EXOC4: variants seen among roughly 807,000 people sequenced by gnomAD.
EXOC4 encodes exocyst complex component 4.
EXOC4 carries 71 observed loss-of-function variants against 107.2 expected under a neutral mutation model. The ratio of observed to expected loss-of-function variants is 0.66; its 90% CI spans 0.55 to 0.81. The LOEUF is 0.81. EXOC4 is among the 30% of genes least tolerant of loss of function. The pLI is 0.00. For missense variants in EXOC4, 1,108 were observed against 1,189.6 expected (o/e 0.93, Z 1.01); for synonymous variants, 456 against 441.2 (o/e 1.03, Z -0.42).
chr7:133,688,955 G>A (rs1050216747), intron 10 of EXOC4, among the ~76,000 whole-genome samples: 1 of 152,060 alleles, frequency 6.6e-6, no homozygotes, highest in African/African-American at 2.4e-5. Context: ...TATTTATATA[G>A]CTTCTTTCAT....
At chr7:133,884,804 A>G (rs1799046245) in intron 11 of EXOC4, among the ~76,000 whole-genome samples, 1 of 152,154 alleles carries the variant, frequency 6.6e-6, no homozygotes, top group African/African-American at 2.4e-5. Flanking sequence ...CTGAATTGTG[A>G]ATTTATTTAT....
At chr7:133,270,083 G>A (rs927396756) in intron 1 of EXOC4, among the ~76,000 whole-genome samples, 10 of 152,112 alleles carry the variant, frequency 6.6e-5, no homozygotes, top group African/African-American at 1.9e-4. Flanking sequence ...CACTGTTCTC[G>A]TGATAGTGAA....
intron 9 of EXOC4, among the ~76,000 whole-genome samples, chr7:133,514,855 T>C (rs1215493454): frequency 6.6e-6 from 1 of 152,154 alleles, no homozygotes; most frequent in Admixed American, 6.5e-5. Context: ...TTTGATCCAG[T>C]ACTTTATGCT....
chr7:133,561,465 G>A (rs553532304), intron 9 of EXOC4, among the ~76,000 whole-genome samples: 7 of 152,234 alleles, frequency 4.6e-5, no homozygotes, highest in Admixed American at 2.6e-4. Context: ...TATACAGTGC[G>A]GAAAAGGTCC....
chr7:133,583,027 A>T (rs1192393061), intron 9 of EXOC4, among the ~76,000 whole-genome samples: 1 of 152,206 alleles, frequency 6.6e-6, no homozygotes, highest in Non-Finnish European at 1.5e-5. Flanking sequence ...CATGCTTCAC[A>T]TTTAAAGTAT....
At chr7:133,302,293 T>G (rs1037864054) in intron 3 of EXOC4, among the ~76,000 whole-genome samples, 23 of 152,214 alleles carry the variant, frequency 1.5e-4, no homozygotes, top group African/African-American at 5.3e-4. Flanking sequence ...TATTTTCAAT[T>G]CTAAAACAGA....
Position 133,305,975 on chromosome 7 carries a change from G to A in EXOC4, c.570G>A (p.Leu190=), listed in dbSNP as rs780839998. ...ACAGCAAGAAGATGAACCTTCACTT[G>A]GTTCTCATAGATGAACTACACCGGC... ...ELHSKKMNLH[L]VLIDELHRHL... The change falls in exon 4 of 18, where the codon TTG becomes TTA. Residue 190 remains leucine (L), a synonymous_variant. Coordinates refer to ENST00000253861, the MANE Select transcript of EXOC4 (RefSeq NM_021807.4). 2.3e-5 allele frequency: 37 copies of A among 1,613,752 alleles called. No individual in the cohort carries two copies. Among genetic ancestry groups the A allele is most frequent in the Non-Finnish European group, 3.0e-5 (35 of 1,179,892 alleles).
chr7:133,529,785 A>C (rs538029507), intron 9 of EXOC4, among the ~76,000 whole-genome samples: 1 of 152,276 alleles, frequency 6.6e-6, no homozygotes, highest in African/African-American at 2.4e-5. Context: ...TAAAAATATC[A>C]CTTTTATCTG....
chr7:133,578,385 C>G (rs1801178327), intron 9 of EXOC4, among the ~76,000 whole-genome samples: 1 of 152,130 alleles, frequency 6.6e-6, no homozygotes, highest in African/African-American at 2.4e-5. Context: ...TTCTTGTTCT[C>G]CAGTCACATA....
At chr7:133,981,508 T>G (rs930875150) in intron 14 of EXOC4, among the ~76,000 whole-genome samples, 2 of 151,992 alleles carry the variant, frequency 1.3e-5, no homozygotes, top group African/African-American at 4.8e-5. Flanking sequence ...AAGCTAAAAG[T>G]CAGTGATCTT....
intron 14 of EXOC4, among the ~76,000 whole-genome samples, chr7:133,961,414 G>A (rs780100689): frequency 6.6e-5 from 10 of 151,200 alleles, no homozygotes; most frequent in Non-Finnish European, 1.2e-4. Flanking sequence ...AGCCTCCCGA[G>A]AAGCTGGGAC....
chr7:133,910,004 A>G (rs970867297), intron 12 of EXOC4, among the ~76,000 whole-genome samples: 1 of 142,670 alleles, frequency 7.0e-6, no homozygotes, highest in African/African-American at 2.7e-5. Flanking sequence ...GCTCTCTGCA[A>G]CCTCTGCCTC....
intron 2 of EXOC4, among the ~76,000 whole-genome samples, chr7:133,287,784 C>G (rs1202789660): frequency 6.6e-6 from 1 of 152,196 alleles, no homozygotes; most frequent in Non-Finnish European, 1.5e-5. Context: ...ATTTTCCGTA[C>G]TTGTTGGATG....
chr7:133,653,497 A>C (rs1803212311), intron 10 of EXOC4, among the ~76,000 whole-genome samples: 1 of 152,226 alleles, frequency 6.6e-6, no homozygotes, highest in Non-Finnish European at 1.5e-5. Flanking sequence ...GCAGCAGTAC[A>C]TTTATCTCTC....
intron 7 of EXOC4, among the ~76,000 whole-genome samples, chr7:133,420,850 C>T (rs1276628145): frequency 1.3e-5 from 2 of 151,260 alleles, no homozygotes; most frequent in South Asian, 2.1e-4. Flanking sequence ...TTATTCACAT[C>T]AGGGAATTTT....
chr7:133,455,266 T>C (rs1010306772), intron 7 of EXOC4, among the ~76,000 whole-genome samples: 6 of 152,160 alleles, frequency 3.9e-5, no homozygotes, highest in African/African-American at 1.4e-4. Context: ...TTCATCACAT[T>C]ACTCAGAGCA....
Position 134,005,098 on chromosome 7 carries a change from C to T in EXOC4, c.2527+8C>T. On this transcript the variant is annotated splice_region_variant and intron_variant, in intron 16 of 17. Transcript: ENST00000253861. ...TCCAGTATATCTTCGAAGGTCAGAC[C>T]CTGCTTCTGTCTCTGGGAGTTTGGG... 6.2e-7 allele frequency: 1 copy of T among 1,608,228 alleles called. No homozygotes were observed. Among genetic ancestry groups the T allele is most frequent in the African/African-American group, 1.3e-5 (1 of 74,770 alleles).
intron 9 of EXOC4, among the ~76,000 whole-genome samples, chr7:133,587,429 T>G (rs1273963222): frequency 1.3e-5 from 2 of 152,290 alleles, no homozygotes; most frequent in South Asian, 4.2e-4. Flanking sequence ...AAACTGGAAC[T>G]ATGGGGAGAA....
intron 10 of EXOC4, among the ~76,000 whole-genome samples, chr7:133,801,925 G>A (rs1796953714): frequency 6.6e-6 from 1 of 152,118 alleles, no homozygotes; most frequent in South Asian, 2.1e-4. Flanking sequence ...GACTTTGCTA[G>A]TGTTTTAAAA....
Sources: allele counts gnomAD v4.1 joint callset (sites outside exome capture counted in the v4.1 genomes callset), GRCh38; gene constraint gnomAD v4.1.1; transcripts MANE v1.5; gene names NCBI Gene and HGNC (gene_info 2026-07-23, HGNC 2026-07-21).